The following DLGAP1 variants were observed in gnomAD, a reference collection of about 807,000 sequenced individuals.
The protein encoded by DLGAP1 is DLG associated protein 1, also known as disks large-associated protein 1.
DLGAP1 carries 11 observed loss-of-function variants against 90.8 expected under a neutral mutation model. The ratio of observed to expected loss-of-function variants is 0.12; its 90% CI spans 0.08 to 0.20. The LOEUF is 0.20. Ranked by LOEUF, DLGAP1 falls within the 10% of genes least tolerant of loss-of-function variation. The pLI is 1.00. For synonymous variants in DLGAP1, 558 were observed against 540.7 expected (o/e 1.03, Z -0.44); for missense variants, 1,050 against 1,333.8 (o/e 0.79, Z 3.31).
intron 7 of DLGAP1, among the ~76,000 whole-genome samples, chr18:3,586,347 T>C (rs2055885211): frequency 1.3e-5 from 2 of 152,136 alleles, no homozygotes. Flanking sequence ...GCATTACTCA[T>C]TATTATGAGA....
intron 8 of DLGAP1, among the ~76,000 whole-genome samples, chr18:3,569,139 T>C (rs981153441): frequency 6.6e-6 from 1 of 151,626 alleles, no homozygotes; most frequent in South Asian, 2.1e-4. Context: ...GTAGCTGAAA[T>C]TACAGACGCG....
chr18:4,095,781 A>G (rs1447047418), intron 2 of DLGAP1, among the ~76,000 whole-genome samples: 1 of 152,038 alleles, frequency 6.6e-6, no homozygotes, highest in Non-Finnish European at 1.5e-5. Flanking sequence ...TAAAGACAAG[A>G]AGGAAAGGGA....
At chr18:3,878,436 C>G (rs1349702524) in intron 4 of DLGAP1, 1 of 152,200 alleles carries the variant, frequency 6.6e-6, no homozygotes, top group Non-Finnish European at 1.5e-5. Flanking sequence ...CATGCTGACA[C>G]TAATTGTATT....
chr18:4,039,211 G>C (rs1334161888), intron 2 of DLGAP1, among the ~76,000 whole-genome samples: 1 of 152,110 alleles, frequency 6.6e-6, no homozygotes, highest in African/African-American at 2.4e-5. Flanking sequence ...CAACGTCCTT[G>C]AGGGTGGAGA....
chr18:4,119,758 G>A (rs1242532777), intron 2 of DLGAP1, among the ~76,000 whole-genome samples: 1 of 152,076 alleles, frequency 6.6e-6, no homozygotes, highest in African/African-American at 2.4e-5. Flanking sequence ...ACAAAGATGT[G>A]GATCACTATT....
chr18:3,581,259 G>A (rs552484275), intron 8 of DLGAP1, among the ~76,000 whole-genome samples: 12 of 152,172 alleles, frequency 7.9e-5, no homozygotes, highest in Non-Finnish European at 1.6e-4. Flanking sequence ...AGTCTGGTTT[G>A]GTGAGGCCCT....
At chr18:3,630,761 T>G (rs1434848976) in intron 7 of DLGAP1, among the ~76,000 whole-genome samples, 1 of 152,152 alleles carries the variant, frequency 6.6e-6, no homozygotes, top group Non-Finnish European at 1.5e-5. Context: ...GTCTTATTAC[T>G]ATAGGCTAAT....
At chr18:4,242,097 T>G (rs1379449152) in intron 1 of DLGAP1, among the ~76,000 whole-genome samples, 1 of 152,076 alleles carries the variant, frequency 6.6e-6, no homozygotes, top group Non-Finnish European at 1.5e-5. Context: ...TCAAAAGCAG[T>G]TCCCCTTCAT....
intron 2 of DLGAP1, among the ~76,000 whole-genome samples, chr18:4,075,932 G>C (rs2075516285): frequency 6.6e-6 from 1 of 152,116 alleles, no homozygotes; most frequent in African/African-American, 2.4e-5. Flanking sequence ...TTGAATCATG[G>C]AGCTTATTGT....
At chr18:4,421,762 G>A (rs2083040106) in intron 1 of DLGAP1, among the ~76,000 whole-genome samples, 1 of 152,116 alleles carries the variant, frequency 6.6e-6, no homozygotes, top group African/African-American at 2.4e-5. Flanking sequence ...AGGCTGGAGT[G>A]CAGTAGCGGG....
rs981536761 is a variant in DLGAP1, at chr18:4,263,906, T to C, written c.-266-112619A>G. On this transcript the variant is annotated intron_variant, in intron 1 of 12. Transcript: ENST00000315677. Reference sequence around the variant, plus strand: ...TCAAAATGAATGACTCCCTACTCATTAAAAATAATTTGGTTAATATTGGCT... The same window carrying C: ...TCAAAATGAATGACTCCCTACTCATCAAAAATAATTTGGTTAATATTGGCT... Among the ~76,000 whole-genome samples, 14 of 152,330 alleles carry C rather than the reference T, an allele frequency of 9.2e-5. No homozygotes were observed. In the East Asian group the frequency reaches 2.5e-3, roughly 27 times the overall value.
chr18:4,221,565 C>T (rs796420069), intron 1 of DLGAP1, among the ~76,000 whole-genome samples: 43 of 152,194 alleles, frequency 2.8e-4, no homozygotes, highest in African/African-American at 9.9e-4. Flanking sequence ...ATAAGACCAA[C>T]GATGCCTCAG....
intron 7 of DLGAP1, among the ~76,000 whole-genome samples, chr18:3,662,266 AG>A (rs1367807144): frequency 2.6e-5 from 4 of 152,150 alleles, no homozygotes; most frequent in African/African-American, 9.7e-5. Context: ...TAACACTCCT[AG>A]GGGGTGGCTG....
At chr18:4,249,447 CAAAAAAAAAA>C (rs11301773) in intron 1 of DLGAP1, among the ~76,000 whole-genome samples, 1 of 101,624 alleles carries the variant, frequency 9.8e-6, no homozygotes, top group African/African-American at 3.6e-5. Flanking sequence ...AATGTTCTGG[CAAAAAAAAAA>C]AAAAAAAAAA....
chr18:4,334,206 C>G (rs558437238), intron 1 of DLGAP1, among the ~76,000 whole-genome samples: 9 of 151,738 alleles, frequency 5.9e-5, no homozygotes, highest in African/African-American at 2.2e-4. Flanking sequence ...TCATTGCACT[C>G]CAGCCCGGGC....
chr18:4,450,959 C>A (rs1171912892), intron 1 of DLGAP1, among the ~76,000 whole-genome samples: 1 of 152,166 alleles, frequency 6.6e-6, no homozygotes, highest in Non-Finnish European at 1.5e-5. Flanking sequence ...GGATCTGAGC[C>A]AAATATCTGT....
At chr18:3,925,801 A>C (rs1019679252) in intron 3 of DLGAP1, among the ~76,000 whole-genome samples, 1 of 152,216 alleles carries the variant, frequency 6.6e-6, no homozygotes, top group African/African-American at 2.4e-5. Context: ...GTAACTTTTG[A>C]ACAGTGTTTG....
At chr18:3,691,949 G>A (rs911942030) in intron 7 of DLGAP1, among the ~76,000 whole-genome samples, 1 of 151,952 alleles carries the variant, frequency 6.6e-6, no homozygotes, top group African/African-American at 2.4e-5. Flanking sequence ...AATAAAAAAA[G>A]GTTGAGGAAT....
chr18:4,120,202 A>G (rs1181593088), intron 2 of DLGAP1, among the ~76,000 whole-genome samples: 5 of 152,246 alleles, frequency 3.3e-5, no homozygotes, highest in Non-Finnish European at 7.3e-5. Context: ...TAAAGCTCCT[A>G]GTTGTTCAGA....
Sources: allele counts gnomAD v4.1 joint callset (sites outside exome capture counted in the v4.1 genomes callset), GRCh38; gene constraint gnomAD v4.1.1; transcripts MANE v1.5; gene names NCBI Gene and HGNC (gene_info 2026-07-23, HGNC 2026-07-21).